The following SGCD variants were observed in gnomAD, a reference collection of about 807,000 sequenced individuals.
SGCD encodes the protein sarcoglycan delta.
SGCD carries 18 observed loss-of-function variants against 36.6 expected under a neutral mutation model. The observed-to-expected ratio is 0.49, with a 90% confidence interval of 0.34 to 0.73. The LOEUF (loss-of-function observed/expected upper bound fraction) is 0.73. Among genes scored for constraint, SGCD ranks in the 30% least tolerant of loss-of-function variants. SGCD has a pLI of 0.01. For synonymous variants in SGCD, 133 were observed against 130.6 expected (o/e 1.02, Z -0.12); for missense variants, 387 against 346.7 (o/e 1.12, Z -0.92).
intron 1 of SGCD, among the ~76,000 whole-genome samples, chr5:156,076,964 C>A (rs1292054654): frequency 6.6e-6 from 1 of 152,126 alleles, no homozygotes; most frequent in African/African-American, 2.4e-5. Flanking sequence ...GCTTTATATA[C>A]AATGTTTGTT....
chr5:156,590,459 C>T (rs1760683657), intron 5 of SGCD, among the ~76,000 whole-genome samples: 1 of 152,112 alleles, frequency 6.6e-6, no homozygotes, highest in African/African-American at 2.4e-5. Flanking sequence ...CTGGATCTTC[C>T]ACCTTGCTTA....
chr5:156,614,631 A>C (rs1018233435), intron 6 of SGCD, among the ~76,000 whole-genome samples: 1 of 152,152 alleles, frequency 6.6e-6, no homozygotes, highest in Admixed American at 6.5e-5. Context: ...TTTTATGTTC[A>C]CATTTCTGTG....
chr5:156,360,300 T>A (rs1471099114), intron 3 of SGCD, among the ~76,000 whole-genome samples: 1 of 150,064 alleles, frequency 6.7e-6, no homozygotes, highest in Non-Finnish European at 1.5e-5. Context: ...CAGGCTGGAG[T>A]GCAATGGCAC....
At chr5:155,742,249 T>G in the SGCD span, among the ~76,000 whole-genome samples, 1 of 152,230 alleles carries the variant, frequency 6.6e-6, no homozygotes, top group African/African-American at 2.4e-5. Context: ...GGTCTATAGT[T>G]ACTCCTCACC....
At chr5:156,518,792 C>A (rs1183189479) in intron 4 of SGCD, among the ~76,000 whole-genome samples, 4 of 152,240 alleles carry the variant, frequency 2.6e-5, no homozygotes, top group East Asian at 1.9e-4. Context: ...AAATCAAATT[C>A]TTTGAAACTA....
At chr5:156,649,245 A>G (rs1763359797) in intron 7 of SGCD, among the ~76,000 whole-genome samples, 2 of 152,094 alleles carry the variant, frequency 1.3e-5, no homozygotes, top group African/African-American at 4.8e-5. Flanking sequence ...AAATAGGAAC[A>G]CTTTTACAGT....
intron 4 of SGCD, among the ~76,000 whole-genome samples, chr5:156,562,476 A>T (rs1042557009): frequency 2.6e-5 from 4 of 152,154 alleles, no homozygotes; most frequent in Non-Finnish European, 4.4e-5. Context: ...ACTGAAGTGG[A>T]ATGACCCAGG....
At chr5:156,548,708 G>A (rs1758676831) in intron 4 of SGCD, among the ~76,000 whole-genome samples, 1 of 152,118 alleles carries the variant, frequency 6.6e-6, no homozygotes, top group Non-Finnish European at 1.5e-5. Context: ...TGTGCAGAGT[G>A]CTGAATCAAG....
chr5:156,145,110 G>T (rs184102565), intron 3 of SGCD, among the ~76,000 whole-genome samples: 1 of 152,284 alleles, frequency 6.6e-6, no homozygotes, highest in Admixed American at 6.5e-5. Flanking sequence ...GGGGCCTGAT[G>T]GGAGGTGATT....
chr5:156,293,080 G>T (rs114458791), intron 3 of SGCD, among the ~76,000 whole-genome samples: 1 of 151,494 alleles, frequency 6.6e-6, no homozygotes, highest in Admixed American at 6.6e-5. Flanking sequence ...TTTTTTTAGA[G>T]GTGGGGTCTT....
At chr5:155,747,328 T>C in the SGCD span, among the ~76,000 whole-genome samples, 1 of 152,312 alleles carries the variant, frequency 6.6e-6, no homozygotes, top group East Asian at 1.9e-4. Flanking sequence ...TTTTGGAATC[T>C]GGTTGCCCTT....
intron 3 of SGCD, among the ~76,000 whole-genome samples, chr5:156,211,469 G>A (rs1282474746): frequency 1.3e-5 from 2 of 152,106 alleles, no homozygotes; most frequent in East Asian, 1.9e-4. Flanking sequence ...TTAGCTGGGC[G>A]TGGTGGCGGG....
chr5:155,968,967 A>G (rs1406438782), intron 1 of SGCD, among the ~76,000 whole-genome samples: 3 of 152,144 alleles, frequency 2.0e-5, no homozygotes, highest in Admixed American at 6.6e-5. Context: ...AGTAAACACT[A>G]TATTTTGTAG....
chr5:156,458,268 T>C, intron 3 of SGCD: 1 of 655,348 alleles, frequency 1.5e-6, no homozygotes, highest in Non-Finnish European at 2.7e-6. Flanking sequence ...GCATTTCAGT[T>C]AAATATTAGT....
chr5:156,542,523 ATAAGT>A (rs1170265631), intron 4 of SGCD, among the ~76,000 whole-genome samples: 2 of 152,194 alleles, frequency 1.3e-5, no homozygotes, highest in Admixed American at 6.5e-5. Flanking sequence ...CTGGAAAAAA[ATAAGT>A]TAAGCCCTCT....
chr5:156,537,886 CCTT>C (rs1332860033), intron 4 of SGCD, among the ~76,000 whole-genome samples: 2 of 151,940 alleles, frequency 1.3e-5, no homozygotes, highest in Admixed American at 1.3e-4. Flanking sequence ...TTCTGCTTTC[CCTT>C]CTTCTGCCTT....
intron 3 of SGCD, among the ~76,000 whole-genome samples, chr5:156,167,267 T>G (rs1012058488): frequency 6.6e-6 from 1 of 152,192 alleles, no homozygotes; most frequent in South Asian, 2.1e-4. Flanking sequence ...GGAATTTTCT[T>G]CTCAGCACAT....
intron 3 of SGCD, among the ~76,000 whole-genome samples, chr5:156,481,534 G>A (rs754046658): frequency 1.3e-4 from 20 of 152,100 alleles, no homozygotes; most frequent in Non-Finnish European, 2.9e-4. Context: ...ACATCTGCCA[G>A]CCCAAAATAG....
At chr5:156,566,950 A>G (rs1759503905) in intron 4 of SGCD, among the ~76,000 whole-genome samples, 1 of 152,146 alleles carries the variant, frequency 6.6e-6, no homozygotes, top group African/African-American at 2.4e-5. Flanking sequence ...TTTGGGGAAC[A>G]TAGCTTCTTC....
Sources: allele counts gnomAD v4.1 joint callset (sites outside exome capture counted in the v4.1 genomes callset), GRCh38; gene constraint gnomAD v4.1.1; transcripts MANE v1.5; gene names NCBI Gene and HGNC (gene_info 2026-07-23, HGNC 2026-07-21).